MCF2L: variants seen among roughly 807,000 people sequenced by gnomAD.
The protein encoded by MCF2L is MCF.2 cell line derived transforming sequence like, also known as guanine nucleotide exchange factor DBS.
A neutral mutation model predicts 153.4 loss-of-function variants in MCF2L; 97 were observed. The observed-to-expected ratio is 0.63, with a 90% CI of 0.54 to 0.75. The LOEUF (loss-of-function observed/expected upper bound fraction) is 0.75, where lower values mean the gene tolerates loss of function less well. MCF2L is among the 30% of genes least tolerant of loss of function. The pLI, the probability that MCF2L is intolerant of heterozygous loss-of-function variation, is 0.00. For synonymous variants in MCF2L, 659 were observed against 632.2 expected, an observed-to-expected ratio of 1.04 and a Z score of -0.64; for missense variants, 1,347 against 1,495.2, an observed-to-expected ratio of 0.90 and a Z score of 1.64.
intron 2 of MCF2L, chr13:112,917,491 G>GTC: frequency 3.2e-6 from 1 of 308,556 alleles, no homozygotes; most frequent in South Asian, 2.9e-5. Context: ...CCCCACCGCC[G>GTC]TCTCGCAGAA....
At chr13:113,085,991 G>A in intron 20 of MCF2L, 133 bp from the exon 21 acceptor site, 3 of 926,390 alleles carry the variant, frequency 3.2e-6, no homozygotes, top group East Asian at 3.1e-5. Context: ...AGGAGGGCAG[G>A]CAGGGCAGCT....
intron 11 of MCF2L, 102 bp downstream of exon 11, chr13:113,075,291 C>G: frequency 9.0e-7 from 1 of 1,110,880 alleles, no homozygotes; most frequent in Non-Finnish European, 1.3e-6. Flanking sequence ...GAGGGCAGCT[C>G]TTTGGCTGGA....
At chr13:112,999,182 G>A (rs563653503) in intron 1 of MCF2L, among the ~76,000 whole-genome samples, 24 of 152,340 alleles carry the variant, frequency 1.6e-4, no homozygotes, top group African/African-American at 5.8e-4. Flanking sequence ...GACCGCCTGG[G>A]TCTGCCCTAT....
intron 2 of MCF2L, among the ~76,000 whole-genome samples, chr13:112,936,279 CAAAA>C (rs34826552): frequency 1.6e-4 from 12 of 74,276 alleles, no homozygotes; most frequent in African/African-American, 5.5e-4. Context: ...GACTCTGTCT[CAAAA>C]AAAAAAAAAA....
At chr13:113,008,937 G>A (rs896331495) in intron 1 of MCF2L, 3 of 142,880 alleles carry the variant, frequency 2.1e-5, no homozygotes, top group Non-Finnish European at 4.5e-5. Context: ...GCAGCGTGGA[G>A]AGGGAGCGCA....
intron 3 of MCF2L, chr13:113,044,574 G>T (rs1485480882): frequency 5.9e-6 from 9 of 1,528,014 alleles, no homozygotes; most frequent in Non-Finnish European, 6.2e-6. Flanking sequence ...GGTGGTAGCA[G>T]CTGCTGGCAT....
In MCF2L at chr13:112,960,908, G is replaced by A. The variant is rs1273416806; in HGVS notation, c.170-53855G>A. ...AGCCCCCAATGGCTCTCTGTGGTAC[G>A]TGGGGGCCCAGGTTCTACCGTGAGT... On this transcript the variant is annotated intron_variant, in intron 2 of 29. Transcript: ENST00000375608. This position sits in a 1 kb window ranked among gnomAD's most constrained non-coding sequence, Gnocchi z 4.2. Among the ~76,000 whole-genome samples, 2 of 152,200 alleles carry A rather than the reference G, an allele frequency of 1.3e-5. No individual in the cohort carries two copies. Among genetic ancestry groups the A allele is most frequent in the Non-Finnish European group, 2.9e-5 (2 of 68,020 alleles).
rs1394376060 is a variant in MCF2L, at chr13:113,053,007, G to A, written c.370-7586G>A. On this transcript the variant is annotated intron_variant, in intron 4 of 29. Coordinates refer to ENST00000535094, the MANE Select transcript of MCF2L (RefSeq NM_001112732.3). This position sits in a 1 kb window ranked among gnomAD's most constrained non-coding sequence, Gnocchi z 4.4. ...ATCACACACAAACACACACATATATGCACATATACACACATCACATAAACA... is the reference window on the plus strand; with the variant it reads ...ATCACACACAAACACACACATATATACACATATACACACATCACATAAACA... Among the ~76,000 whole-genome samples the A allele has an allele frequency of 6.6e-6, 1 of 151,860 alleles. No individual in the cohort carries two copies. The highest frequency in any genetic ancestry group is 6.6e-5 in the Admixed American group (1 of 15,252).
In MCF2L at chr13:113,026,473, G is replaced by A. The variant is rs538116812; in HGVS notation, c.278+1715G>A. The stretch of plus-strand genomic sequence containing the variant: ...GAGCTGCCGTTTTTTCCTGGAGCTC[G>A]GAGGCCCACCTGGAGGCCCAGTTGC... On this transcript the variant is annotated intron_variant, in intron 3 of 29. Transcript: ENST00000535094. 8.1e-4 allele frequency among the ~76,000 whole-genome samples: 124 copies of A among 152,330 alleles called. 2 individuals carry two copies. Among genetic ancestry groups the A allele is most frequent in the Non-Finnish European group, 6.2e-4 (42 of 68,030 alleles).
chr13:113,067,090 C>G (rs1304643019), intron 8 of MCF2L, among the ~76,000 whole-genome samples: 1 of 152,276 alleles, frequency 6.6e-6, no homozygotes, highest in Non-Finnish European at 1.5e-5. Flanking sequence ...TGTCAGGCAC[C>G]TTGTCAGCTT....
At chr13:113,092,568 A>G (rs1376846854) in intron 26 of MCF2L, among the ~76,000 whole-genome samples, 1 of 152,214 alleles carries the variant, frequency 6.6e-6, no homozygotes, top group Admixed American at 6.5e-5. Flanking sequence ...GCTGCCCAGC[A>G]CCCACTCCCC....
At position 113,065,102 on chromosome 13, in the gene MCF2L, C is replaced by T. The variant is rs755941734; in HGVS notation, c.756+17C>T. On this transcript the variant is annotated intron_variant, in intron 7 of 29. Transcript: ENST00000535094. The stretch of plus-strand genomic sequence containing the variant: ...AAGGCGAAGGTACATGGGGGGTGCT[C>T]CGGCTGGAAGCTGTGGGGGGCTCCG... The T allele has an allele frequency of 1.2e-6, 2 of 1,600,374 alleles. No homozygotes were observed. The highest frequency in any genetic ancestry group is 1.7e-6 in the Non-Finnish European group (2 of 1,175,086).
At position 113,004,929 on chromosome 13, in the gene MCF2L, CAG is replaced by C. The variant is rs545670451; in HGVS notation, c.80-9833_80-9832del. Among the ~76,000 whole-genome samples the C allele has an allele frequency of 2.6e-5, 4 of 152,358 alleles. No homozygotes were observed. In the South Asian group the frequency reaches 8.3e-4, roughly 32 times the overall value. On this transcript the variant is annotated intron_variant, in intron 1 of 29. Transcript: ENST00000535094. ...AAGTTGGTGCAGGTATCACGGAAAA[CAG>C]TGTGGGGTATGGAGGTTCCTCAAGT...
At chr13:112,975,530 C>T (rs2140864119) in intron 1 of MCF2L, among the ~76,000 whole-genome samples, 1 of 152,276 alleles carries the variant, frequency 6.6e-6, no homozygotes, top group East Asian at 1.9e-4. Context: ...TGAGAAGCAC[C>T]CAGCAGGCAG....
chr13:112,935,154 T>C (rs1022829242), intron 2 of MCF2L, among the ~76,000 whole-genome samples: 1 of 152,244 alleles, frequency 6.6e-6, no homozygotes, highest in Non-Finnish European at 1.5e-5. Flanking sequence ...GACATTATGA[T>C]GGTTCAAAAG....
chr13:113,019,164 C>G (rs2084721015), intron 2 of MCF2L, among the ~76,000 whole-genome samples: 1 of 152,238 alleles, frequency 6.6e-6, no homozygotes, highest in African/African-American at 2.4e-5. Context: ...GCTTACATCT[C>G]GTCCTAAGGA....
chr13:112,916,007 G>C (rs1479541996), intron 2 of MCF2L, among the ~76,000 whole-genome samples: 6 of 149,810 alleles, frequency 4.0e-5, no homozygotes, highest in African/African-American at 1.5e-4. Flanking sequence ...GACCATCCTG[G>C]TTAACACGGT....
At chr13:112,962,183 ACG>A (rs1294027292) in intron 2 of MCF2L, among the ~76,000 whole-genome samples, 34 of 151,046 alleles carry the variant, frequency 2.3e-4, no homozygotes, top group South Asian at 6.3e-4. Context: ...ATGCACACAC[ACG>A]CATGCACAAA....
intron 1 of MCF2L, among the ~76,000 whole-genome samples, chr13:112,901,415 A>G (rs113397149): frequency 0.26 from 39,485 of 152,184 alleles, 5,382 homozygotes; most frequent in Middle Eastern, 0.41. Flanking sequence ...CGGCCTCCCA[A>G]AGTGCTGGGA....
Sources: allele counts gnomAD v4.1 joint callset (sites outside exome capture counted in the v4.1 genomes callset), GRCh38; gene constraint gnomAD v4.1.1; non-coding constraint Gnocchi (gnomAD v3.1); transcripts MANE v1.5; gene names NCBI Gene and HGNC (gene_info 2026-07-23, HGNC 2026-07-21).